NDUFAF7: variants seen among roughly 807,000 people sequenced by gnomAD.
NDUFAF7 encodes the protein protein arginine methyltransferase NDUFAF7, mitochondrial.
Under a neutral mutation model 47.2 loss-of-function variants are expected in NDUFAF7, and 48 were observed. The observed-to-expected ratio is 1.02, with a 90% CI of 0.81 to 1.29. The LOEUF (loss-of-function observed/expected upper bound fraction) is 1.29. Among genes scored for constraint, NDUFAF7 ranks in the 50% most tolerant of loss-of-function variants. The pLI, the probability that NDUFAF7 is intolerant of heterozygous loss-of-function variation, is 0.00. For missense variants in NDUFAF7, 635 were observed against 537.6 expected (o/e 1.18, Z -1.79); for synonymous variants, 217 against 190.0 (o/e 1.14, Z -1.17).
chr2:37,253,672 C>T (rs1667700183), downstream of NDUFAF7, among the ~76,000 whole-genome samples: 1 of 152,130 alleles, frequency 6.6e-6, no homozygotes, highest in Non-Finnish European at 1.5e-5. Flanking sequence ...CTAAACCTTA[C>T]TCAAAGTGGG....
chr2:37,268,245 G>A, the NDUFAF7 span: 1 of 460,440 alleles, frequency 2.2e-6, no homozygotes, highest in South Asian at 1.6e-5. Flanking sequence ...ACAATCGTAA[G>A]TCTACTTGAA....
At chr2:37,259,306 G>A in the NDUFAF7 span, among the ~76,000 whole-genome samples, 1 of 152,166 alleles carries the variant, frequency 6.6e-6, no homozygotes, top group East Asian at 1.9e-4. Context: ...ACCAACCAAG[G>A]TTGATACTTG....
the NDUFAF7 span, among the ~76,000 whole-genome samples, chr2:37,270,494 CTTTT>C: frequency 2.4e-4 from 36 of 151,242 alleles, no homozygotes; most frequent in Non-Finnish European, 4.9e-4. Flanking sequence ...GCCCCCTTCC[CTTTT>C]TTTTTCTTCT....
At chr2:37,244,088 C>CA in intron 7 of NDUFAF7, 115 bp downstream of exon 7, 7 of 867,826 alleles carry the variant, frequency 8.1e-6, no homozygotes, top group Non-Finnish European at 9.1e-6. Flanking sequence ...TTGCTAGTAG[C>CA]ATACGAGGTG....
the NDUFAF7 span, chr2:37,260,508 C>T: frequency 1.1e-6 from 1 of 900,436 alleles, no homozygotes; most frequent in Non-Finnish European, 1.7e-6. Context: ...ACAAAGCAAA[C>T]AAAATAAAAA....
chr2:37,242,723 T>C (rs1200810779), intron 6 of NDUFAF7, 30 bp downstream of exon 6: 1 of 1,507,406 alleles, frequency 6.6e-7, no homozygotes, highest in South Asian at 1.1e-5. Context: ...GTCATGTCTA[T>C]AATTGAATAC....
Position 37,242,536 on chromosome 2 carries a change from G to C in NDUFAF7, c.623-99G>C, listed in dbSNP as rs1666461347. ...AGGTAGATAATTCTGTGGTAGTGATGATTATGGAGGAAGTAGGCATTTTTT... is the reference window on the plus strand; with the variant it reads ...AGGTAGATAATTCTGTGGTAGTGATCATTATGGAGGAAGTAGGCATTTTTT... On this transcript the variant is annotated intron_variant, in intron 5 of 9. Coordinates refer to ENST00000002125, the MANE Select transcript of NDUFAF7 (RefSeq NM_144736.5). 20 of 883,160 alleles carry C rather than the reference G, an allele frequency of 2.3e-5. No individual in the cohort carries two copies. The South Asian group carries it at 2.9e-4, about 13-fold the overall frequency. 54.7% of individuals were successfully genotyped at this position (883,160 alleles called of 1,614,324 possible).
chr2:37,265,265 G>T, the NDUFAF7 span, among the ~76,000 whole-genome samples: 1 of 152,138 alleles, frequency 6.6e-6, no homozygotes, highest in African/African-American at 2.4e-5. Context: ...TAACAGTGTA[G>T]TAGGTTACTT....
At chr2:37,254,099 C>T, downstream of NDUFAF7, 2 of 799,512 alleles carry the variant, frequency 2.5e-6, no homozygotes, top group Admixed American at 4.1e-5. Context: ...CACTTAAGAG[C>T]ACTTTTATTA....
At chr2:37,251,538 G>GAT (rs1667493088), downstream of NDUFAF7, 1 of 152,136 alleles carries the variant, frequency 6.6e-6, no homozygotes, top group South Asian at 2.1e-4. Flanking sequence ...TTCTTTCAAG[G>GAT]ATATTTTTAG....
chr2:37,256,570 C>T, downstream of NDUFAF7: 20 of 1,375,000 alleles, frequency 1.5e-5, no homozygotes, highest in South Asian at 3.2e-4. Context: ...AGATAAGTTG[C>T]AAGAGACAGA....
intron 3 of NDUFAF7, among the ~76,000 whole-genome samples, chr2:37,237,333 A>T (rs1665900775): frequency 6.6e-6 from 1 of 152,272 alleles, no homozygotes; most frequent in Non-Finnish European, 1.5e-5. Flanking sequence ...TGAATTTAGA[A>T]ATAGGAAATA....
In NDUFAF7 at chr2:37,245,969, C is replaced by T. The variant is rs1666853316; in HGVS notation, c.793-83C>T. The T allele has an allele frequency of 6.9e-6, 10 of 1,440,160 alleles. No individual in the cohort carries two copies. In the East Asian group the frequency reaches 1.9e-4, roughly 28 times the overall value. 89.2% of individuals were successfully genotyped at this position (1,440,160 alleles called of 1,614,324 possible). A position where few individuals can be genotyped will look rare whatever the true frequency, so the allele number is the denominator to read the frequency against. ...ATTTTTATTAAAACTAAGAAATGCT[C>T]ATTGAGGAAAAACCTGAAAAACCGT... On this transcript the variant is annotated intron_variant, in intron 7 of 9. Transcript: ENST00000002125.
the NDUFAF7 span, among the ~76,000 whole-genome samples, chr2:37,270,603 A>G: frequency 6.6e-6 from 1 of 152,220 alleles, no homozygotes; most frequent in Non-Finnish European, 1.5e-5. Context: ...CTGATGAAAG[A>G]AAAACAAAGT....
At chr2:37,241,974 A>C in intron 5 of NDUFAF7, 183 bp downstream of exon 5, 1 of 603,156 alleles carries the variant, frequency 1.7e-6, no homozygotes, top group Non-Finnish European at 2.9e-6. Context: ...GTTGCCTGAC[A>C]TTAAGTAGTA....
downstream of NDUFAF7, chr2:37,256,637 T>A (rs766751317): frequency 0.018 from 18,687 of 1,033,214 alleles, 95 homozygotes; most frequent in South Asian, 0.054. Context: ...AATTTTTTTT[T>A]TTTTTTTTTT....
the NDUFAF7 span, chr2:37,269,785 G>A: frequency 1.2e-6 from 1 of 815,476 alleles, no homozygotes; most frequent in South Asian, 2.0e-5. Context: ...ACATTTTTAT[G>A]TTAGAAGCAG....
At chr2:37,260,091 G>C in the NDUFAF7 span, 1 of 762,200 alleles carries the variant, frequency 1.3e-6, no homozygotes, top group Admixed American at 3.0e-5. Flanking sequence ...CTTGAATCCA[G>C]GAGGCAGAGG....
chr2:37,257,715 C>T (rs1668092556), downstream of NDUFAF7, among the ~76,000 whole-genome samples: 1 of 148,800 alleles, frequency 6.7e-6, no homozygotes, highest in Non-Finnish European at 1.5e-5. Flanking sequence ...TTAAAAACAT[C>T]CCTTGTTTTG....
Sources: allele counts gnomAD v4.1 joint callset (sites outside exome capture counted in the v4.1 genomes callset), GRCh38; gene constraint gnomAD v4.1.1; transcripts MANE v1.5; gene names NCBI Gene and HGNC (gene_info 2026-07-23, HGNC 2026-07-21).